Variants in UVRAG observed in about 807,000 individuals in gnomAD.
The protein encoded by UVRAG is UV radiation resistance-associated gene protein.
Under a neutral mutation model 78.0 loss-of-function variants are expected in UVRAG, and 19 were observed. The ratio of observed to expected loss-of-function variants is 0.24; its 90% CI spans 0.17 to 0.36. The LOEUF (loss-of-function observed/expected upper bound fraction) is 0.36. Ranked by LOEUF, UVRAG falls within the 10% of genes least tolerant of loss-of-function variation. The pLI is 1.00. For synonymous variants in UVRAG, 323 were observed against 324.6 expected (o/e 1.00, Z 0.05); for missense variants, 740 against 853.8 (o/e 0.87, Z 1.66).
chr11:76,103,364 A>G (rs893651654), intron 13 of UVRAG, among the ~76,000 whole-genome samples: 2 of 152,190 alleles, frequency 1.3e-5, no homozygotes, highest in African/African-American at 4.8e-5. Context: ...CCTTCAGGGT[A>G]GTATTCATGG....
Position 76,140,844 on chromosome 11 carries a change from A to C in UVRAG, c.1531A>C (p.Asn511His), listed in dbSNP as rs1952707272. Residue 511 changes from asparagine to histidine, a missense_variant, in exon 15 of 15, where the codon AAT becomes CAT. Coordinates refer to ENST00000356136, the MANE Select transcript of UVRAG (RefSeq NM_003369.4). ...KGHRKRASSE[N>H]ERLQYKTPPP... ...ACATCGAAAACGGGCCAGCTCTGAGAATGAGAGACTTCAGTACAAAACCCC... is the reference window on the plus strand; with the variant it reads ...ACATCGAAAACGGGCCAGCTCTGAGCATGAGAGACTTCAGTACAAAACCCC... The C allele has an allele frequency of 6.2e-7, 1 of 1,614,164 alleles. No individual in the cohort carries two copies. Among genetic ancestry groups the C allele is most frequent in the Non-Finnish European group, 8.5e-7 (1 of 1,180,030 alleles).
At chr11:75,841,887 C>T (rs1945919018) in intron 1 of UVRAG, among the ~76,000 whole-genome samples, 1 of 152,150 alleles carries the variant, frequency 6.6e-6, no homozygotes, top group African/African-American at 2.4e-5. Flanking sequence ...ATAACATCAT[C>T]ATCATTAATT....
chr11:75,888,312 G>C (rs1043895935), intron 4 of UVRAG, among the ~76,000 whole-genome samples: 3 of 151,732 alleles, frequency 2.0e-5, no homozygotes, highest in African/African-American at 7.3e-5. Context: ...ATTTTTTATT[G>C]TTATTGTTAT....
chr11:76,015,525 G>GT (rs887060150), intron 11 of UVRAG, among the ~76,000 whole-genome samples: 3 of 151,984 alleles, frequency 2.0e-5, no homozygotes, highest in Non-Finnish European at 4.4e-5. Flanking sequence ...TTTAAAAGGT[G>GT]TTTAACATTG....
At chr11:75,944,931 GTCAATA>G (rs1386826526) in intron 6 of UVRAG, among the ~76,000 whole-genome samples, 3 of 152,110 alleles carry the variant, frequency 2.0e-5, no homozygotes, top group Admixed American at 1.3e-4. Flanking sequence ...CAGTAGTCAA[GTCAATA>G]TCAATAATCA....
intron 8 of UVRAG, among the ~76,000 whole-genome samples, chr11:75,997,781 G>GGC (rs1177215197): frequency 6.6e-6 from 1 of 152,216 alleles, no homozygotes; most frequent in Non-Finnish European, 1.5e-5. Flanking sequence ...AACCATCAGA[G>GGC]GCTTCAAGCT....
intron 3 of UVRAG, among the ~76,000 whole-genome samples, chr11:75,878,909 G>GAGGGGA (rs1946876686): frequency 1.4e-5 from 2 of 147,532 alleles, no homozygotes; most frequent in Non-Finnish European, 1.5e-5. Flanking sequence ...CAGGGAGGGG[G>GAGGGGA]AGGGGGAGGG....
At chr11:75,828,082 G>C (rs1282724487) in intron 1 of UVRAG, among the ~76,000 whole-genome samples, 1 of 152,080 alleles carries the variant, frequency 6.6e-6, no homozygotes, top group Non-Finnish European at 1.5e-5. Flanking sequence ...GCTGTGGGGT[G>C]CTCATTACAG....
At position 75,975,951 on chromosome 11, in the gene UVRAG, C is replaced by A. The variant is rs1949229248; in HGVS notation, c.700-7436C>A. Among the ~76,000 whole-genome samples, 3 of 152,266 alleles carry A rather than the reference C, an allele frequency of 2.0e-5. No homozygotes were observed. In the South Asian group the frequency reaches 6.2e-4, roughly 32 times the overall value. On this transcript the variant is annotated intron_variant, in intron 7 of 14. Coordinates refer to ENST00000356136, the MANE Select transcript of UVRAG (RefSeq NM_003369.4). ...GGCATCCCTGTCTTGTGCCAGTTTT[C>A]AAAGGGAATGGTTCCAGTTTTTGTC... is the stretch of plus-strand genomic sequence containing the variant.
chr11:75,882,490 G>A (rs1373316568), intron 4 of UVRAG, among the ~76,000 whole-genome samples: 1 of 150,820 alleles, frequency 6.6e-6, no homozygotes, highest in Non-Finnish European at 1.5e-5. Context: ...TCCAGCCTGG[G>A]TGACAGAGTG....
chr11:76,036,726 G>A (rs1382476329), intron 12 of UVRAG, among the ~76,000 whole-genome samples: 1 of 151,238 alleles, frequency 6.6e-6, no homozygotes, highest in Non-Finnish European at 1.5e-5. Flanking sequence ...AAAACATGGT[G>A]GCTGAGTTAA....
At chr11:76,006,272 A>T (rs1949936284) in intron 9 of UVRAG, among the ~76,000 whole-genome samples, 1 of 152,132 alleles carries the variant, frequency 6.6e-6, no homozygotes, top group South Asian at 2.1e-4. Context: ...AGTTTCTCCT[A>T]AATTCCTTTT....
intron 4 of UVRAG, among the ~76,000 whole-genome samples, chr11:75,880,474 G>A (rs192347362): frequency 1.3e-3 from 202 of 152,320 alleles, no homozygotes; most frequent in Non-Finnish European, 2.4e-3. Flanking sequence ...TTGAGCACAG[G>A]ATGACACCTG....
rs142519966 is a variant in UVRAG, at chr11:76,057,815, A to G, written c.1227-7895A>G. 4.7e-3 allele frequency among the ~76,000 whole-genome samples: 717 copies of G among 152,150 alleles called. 2 individuals are homozygous for G. The highest frequency in any genetic ancestry group is 5.5e-3 in the Non-Finnish European group (377 of 67,998). Reference sequence around the variant, plus strand: ...GGCCATAATAATTTAGTATGGGTCTATAGCTTTTGGTCACTTCCCTTACTC... The same window carrying G: ...GGCCATAATAATTTAGTATGGGTCTGTAGCTTTTGGTCACTTCCCTTACTC... On this transcript the variant is annotated intron_variant, in intron 12 of 14. Coordinates refer to ENST00000356136, the MANE Select transcript of UVRAG (RefSeq NM_003369.4).
At chr11:75,995,761 A>G (rs980756220) in intron 8 of UVRAG, among the ~76,000 whole-genome samples, 1 of 152,144 alleles carries the variant, frequency 6.6e-6, no homozygotes, top group Non-Finnish European at 1.5e-5. Flanking sequence ...ATGAAAAGTT[A>G]CTTCTCAGTT....
At position 76,140,943 on chromosome 11, in the gene UVRAG, A is replaced by G. The variant is rs749392840; in HGVS notation, c.1630A>G (p.Ile544Val). The G allele has an allele frequency of 4.3e-6, 7 of 1,614,188 alleles. No homozygotes were observed. The highest frequency in any genetic ancestry group is 1.7e-5 in the Admixed American group (1 of 60,016). The change falls in exon 15 of 15, where the codon ATA (isoleucine) becomes GTA (valine). Residue 544 changes from isoleucine to valine, a missense_variant. By Grantham distance (29) the Ile-to-Val change is conservative. Transcript: ENST00000356136. The part of the protein sequence containing the change: ...VPSMGETERK[I>V]TSLSSSLDTS... ...CTCCATGGGAGAGACCGAGAGAAAGATAACATCTCTATCCTCCTCCTTGGA... is the reference window on the plus strand; with the variant it reads ...CTCCATGGGAGAGACCGAGAGAAAGGTAACATCTCTATCCTCCTCCTTGGA...
At chr11:75,880,129 TA>T in intron 4 of UVRAG, 89 bp downstream of exon 4, 1 of 1,484,246 alleles carries the variant, frequency 6.7e-7, no homozygotes, top group South Asian at 1.3e-5. Context: ...CTGCGTTTCC[TA>T]TTATAAAGAG....
At chr11:75,831,401 T>G (rs1273639202) in intron 1 of UVRAG, among the ~76,000 whole-genome samples, 1 of 151,694 alleles carries the variant, frequency 6.6e-6, no homozygotes, top group Non-Finnish European at 1.5e-5. Flanking sequence ...GGCAGGAGAA[T>G]CACTTGAACC....
Position 76,143,027 on chromosome 11 carries a change from C to T in UVRAG, c.*1614C>T, listed in dbSNP as rs1272298667. On this transcript the variant is annotated 3_prime_UTR_variant, in exon 15 of 15. Transcript: ENST00000356136. ...AGCTTTAACTGGATCTGCAGAAGCC[C>T]ATCTTCCTCCACATGAAGAAGTGGG... 1 of 152,232 alleles carries T rather than the reference C, an allele frequency of 6.6e-6. No homozygotes were observed. The highest frequency in any genetic ancestry group is 1.9e-4 in the East Asian group (1 of 5,204). The allele number at this position is 152,232 out of a possible 1,614,324, so 9.4% of individuals were successfully genotyped here.
Sources: gnomAD v4.1 joint callset for allele counts (sites outside exome capture counted in the v4.1 genomes callset) on GRCh38, gnomAD v4.1.1 for gene constraint, MANE v1.5 for transcripts, NCBI Gene and HGNC (gene_info 2026-07-23, HGNC 2026-07-21) for gene names.